Variants in SAMD5 observed in about 807,000 individuals in gnomAD.
SAMD5 encodes sterile alpha motif domain-containing protein 5.
In SAMD5, 13 loss-of-function variants were observed where a neutral mutation model predicts 11.3. That is an observed-to-expected ratio of 1.15 (90% CI 0.75 to 1.83). The LOEUF is 1.83. Among genes scored for constraint, SAMD5 ranks in the 40% most tolerant of loss-of-function variants. The pLI, the probability that SAMD5 is intolerant of heterozygous loss-of-function variation, is 0.00. For missense variants in SAMD5, 255 were observed against 239.1 expected (o/e 1.07, Z -0.44); for synonymous variants, 129 against 111.3 (o/e 1.16, Z -1.00).
chr6:147,896,854 T>C, the SAMD5 span, among the ~76,000 whole-genome samples: 1 of 151,884 alleles, frequency 6.6e-6, no homozygotes, highest in Admixed American at 6.6e-5. Context: ...TATTGAAGTA[T>C]TGACCCCTGC....
the SAMD5 span, among the ~76,000 whole-genome samples, chr6:147,759,998 G>A: frequency 6.6e-6 from 1 of 152,036 alleles, no homozygotes; most frequent in Admixed American, 6.6e-5. Flanking sequence ...GCTCAGAATT[G>A]AAGAAAATAA....
chr6:147,941,441 G>A, the SAMD5 span, among the ~76,000 whole-genome samples: 8 of 152,224 alleles, frequency 5.3e-5, no homozygotes, highest in Admixed American at 3.3e-4. Context: ...TTCCAAACGT[G>A]CCTGCATTTG....
the SAMD5 span, among the ~76,000 whole-genome samples, chr6:147,872,691 A>G: frequency 6.6e-6 from 1 of 152,136 alleles, no homozygotes; most frequent in African/African-American, 2.4e-5. Flanking sequence ...GGACTTGCCC[A>G]CTTCATGGTC....
chr6:147,878,342 G>A, the SAMD5 span, among the ~76,000 whole-genome samples: 2 of 151,558 alleles, frequency 1.3e-5, no homozygotes, highest in Non-Finnish European at 2.9e-5. Context: ...CTGCGTTTCT[G>A]CTCTATCAAG....
chr6:147,778,026 T>G, the SAMD5 span, among the ~76,000 whole-genome samples: 1 of 152,242 alleles, frequency 6.6e-6, no homozygotes, highest in Non-Finnish European at 1.5e-5. Flanking sequence ...TATTTTTAAC[T>G]TTTTTAAAGG....
chr6:147,850,979 C>A, the SAMD5 span, among the ~76,000 whole-genome samples: 1 of 147,514 alleles, frequency 6.8e-6, no homozygotes, highest in Non-Finnish European at 1.5e-5. Context: ...CAGAGTCTCT[C>A]CCTGTTTCCC....
the SAMD5 span, among the ~76,000 whole-genome samples, chr6:147,768,536 A>G: frequency 6.6e-6 from 1 of 152,136 alleles, no homozygotes; most frequent in African/African-American, 2.4e-5. Flanking sequence ...AAAAACAGAA[A>G]AAAACAAAAC....
At chr6:147,652,763 C>T (rs1482218295) in intron 1 of SAMD5, among the ~76,000 whole-genome samples, 1 of 152,212 alleles carries the variant, frequency 6.6e-6, no homozygotes. Flanking sequence ...TCTGATTCTT[C>T]ACACTTTTTC....
Position 147,537,551 on chromosome 6 carries a change from G to T in SAMD5, c.460-26843G>T, listed in dbSNP as rs541531938. ...GCGGAACACGAGGTCAGGAGATCGA[G>T]ACTATCCTGGCTAACCCGGTGAAAC... On this transcript the variant is annotated intron_variant, in intron 1 of 1. Coordinates refer to ENST00000367474, the MANE Select transcript of SAMD5 (RefSeq NM_001030060.3). Among the ~76,000 whole-genome samples, 119 of 152,004 alleles carry T rather than the reference G, an allele frequency of 7.8e-4. 1 individual carries two copies. The highest frequency in any genetic ancestry group is 1.0e-4 in the Non-Finnish European group (7 of 67,988).
At chr6:147,845,027 T>A in the SAMD5 span, among the ~76,000 whole-genome samples, 1 of 152,290 alleles carries the variant, frequency 6.6e-6, no homozygotes, top group Non-Finnish European at 1.5e-5. Flanking sequence ...ATATTTGAGG[T>A]GATAGATATG....
intron 1 of SAMD5, among the ~76,000 whole-genome samples, chr6:147,689,524 T>A (rs1791069604): frequency 6.6e-6 from 1 of 152,220 alleles, no homozygotes; most frequent in South Asian, 2.1e-4. Flanking sequence ...TAGGTACTTA[T>A]CTCTGCTAAC....
chr6:147,925,162 A>G, the SAMD5 span, among the ~76,000 whole-genome samples: 1 of 152,192 alleles, frequency 6.6e-6, no homozygotes, highest in African/African-American at 2.4e-5. Context: ...GTATGTAATT[A>G]GGTCACGAGG....
chr6:147,850,010 G>A, the SAMD5 span, among the ~76,000 whole-genome samples: 1 of 152,202 alleles, frequency 6.6e-6, no homozygotes, highest in Non-Finnish European at 1.5e-5. Flanking sequence ...TATGAGTTAA[G>A]AGCAGTCTGA....
At chr6:147,630,192 G>C (rs1463871838) in intron 1 of SAMD5, among the ~76,000 whole-genome samples, 1 of 151,934 alleles carries the variant, frequency 6.6e-6, no homozygotes, top group Non-Finnish European at 1.5e-5. Context: ...TAGGTGATCT[G>C]CCCGCCTCAG....
At chr6:147,547,447 C>A (rs1450254817) in intron 1 of SAMD5, among the ~76,000 whole-genome samples, 1 of 147,156 alleles carries the variant, frequency 6.8e-6, no homozygotes, top group Admixed American at 6.9e-5. Context: ...AGGAGGTTCC[C>A]GTTTGCTTTG....
At chr6:147,750,144 A>T in the SAMD5 span, among the ~76,000 whole-genome samples, 10 of 152,318 alleles carry the variant, frequency 6.6e-5, no homozygotes, top group African/African-American at 2.4e-4. Flanking sequence ...CACAGCCTCT[A>T]CCTGCTTAGA....
chr6:147,509,354 C>T lies in SAMD5; in HGVS notation c.426C>T (p.Gly142=). 1.3e-6 allele frequency: 2 copies of T among 1,575,050 alleles called. No individual in the cohort carries two copies. The highest frequency in any genetic ancestry group is 2.4e-5 in the East Asian group (1 of 41,098). The change falls in exon 1 of 2, where the codon GGC becomes GGT. Residue 142 remains glycine, a synonymous_variant. Transcript: ENST00000367474. ...TCAGGGATAAGCTCGTCCGTGACGGCATCCACCTGAGCAAGCCCCCGTACT... is the reference window on the plus strand; with the variant it reads ...TCAGGGATAAGCTCGTCCGTGACGGTATCCACCTGAGCAAGCCCCCGTACT... ...IMIRDKLVRD[G]IHLSKPPYSR...
chr6:147,569,523 T>G lies in SAMD5; in HGVS notation c.*5067T>G, dbSNP rs1303992129. On this transcript the variant is annotated 3_prime_UTR_variant, in exon 2 of 2. Transcript: ENST00000367474. ...ATGGGAAATGTCTTTTATAGGTATATTCTGTATAATACCCTTAATTAGATG... is the reference window on the plus strand; with the variant it reads ...ATGGGAAATGTCTTTTATAGGTATAGTCTGTATAATACCCTTAATTAGATG... 1.2e-6 allele frequency: 1 copy of G among 853,654 alleles called. No individual in the cohort carries two copies. Among genetic ancestry groups the G allele is most frequent in the Non-Finnish European group, 1.4e-6 (1 of 709,950 alleles). 52.9% of individuals were successfully genotyped at this position (853,654 alleles called of 1,614,324 possible). A position where few individuals can be genotyped will look rare whatever the true frequency, so the allele number is the denominator to read the frequency against.
At chr6:147,638,790 A>G (rs1376672787) in intron 1 of SAMD5, among the ~76,000 whole-genome samples, 1 of 152,228 alleles carries the variant, frequency 6.6e-6, no homozygotes, top group African/African-American at 2.4e-5. Flanking sequence ...TCTGTTTTAC[A>G]TGATGAACTT....
Sources: allele counts gnomAD v4.1 joint callset (sites outside exome capture counted in the v4.1 genomes callset), GRCh38; gene constraint gnomAD v4.1.1; transcripts MANE v1.5; gene names NCBI Gene and HGNC (gene_info 2026-07-23, HGNC 2026-07-21).